The following ADORA2B variants were observed in gnomAD, a reference collection of about 807,000 sequenced individuals.
ADORA2B encodes the protein adenosine A2b receptor.
A neutral mutation model predicts 20.8 loss-of-function variants in ADORA2B; 18 were observed. The ratio of observed to expected loss-of-function variants is 0.87; its 90% CI spans 0.60 to 1.29. The LOEUF is 1.29. Among genes scored for constraint, ADORA2B ranks in the 50% most tolerant of loss-of-function variants. ADORA2B has a pLI of 0.00. For synonymous variants in ADORA2B, 179 were observed against 178.3 expected, an observed-to-expected ratio of 1.00 and a Z score of -0.03; for missense variants, 441 against 422.7, an observed-to-expected ratio of 1.04 and a Z score of -0.38.
chr17:15,953,501 C>T (rs75419948), intron 1 of ADORA2B, among the ~76,000 whole-genome samples: 8,395 of 152,244 alleles, frequency 0.055, 800 homozygotes, highest in African/African-American at 0.19. Context: ...TTTTGTGCTG[C>T]CATCTTGAAG....
At chr17:15,909,803 TG>T in the ADORA2B span, among the ~76,000 whole-genome samples, 2 of 152,154 alleles carry the variant, frequency 1.3e-5, no homozygotes, top group East Asian at 3.8e-4. Context: ...TACATCAGCA[TG>T]GGAAAAAGAA....
Position 15,975,252 on chromosome 17 carries a change from A to T in ADORA2B, c.909A>T (p.Lys303Asn). Reference protein sequence around the residue: ...RNRDFRYTFHKIISRYLLCQA... With the variant: ...RNRDFRYTFHNIISRYLLCQA... Reference sequence around the variant, plus strand: ...GAGACTTCCGCTACACTTTTCACAAAATTATCTCCAGGTATCTTCTCTGCC... The same window carrying T: ...GAGACTTCCGCTACACTTTTCACAATATTATCTCCAGGTATCTTCTCTGCC... Residue 303 changes from lysine (K) to asparagine (N), a missense_variant, in exon 2 of 2, where the codon AAA (lysine) becomes AAT (asparagine). By Grantham distance (94) the Lys-to-Asn change is moderately conservative. Transcript: ENST00000304222. The T allele has an allele frequency of 1.2e-6, 2 of 1,613,676 alleles. No individual in the cohort carries two copies.
At chr17:15,956,683 C>T (rs1167008997) in intron 1 of ADORA2B, among the ~76,000 whole-genome samples, 1 of 149,882 alleles carries the variant, frequency 6.7e-6, no homozygotes, top group Non-Finnish European at 1.5e-5. Flanking sequence ...GCAACCTCTG[C>T]CTCCTGGGTT....
chr17:15,924,622 C>T, the ADORA2B span, among the ~76,000 whole-genome samples: 2 of 151,994 alleles, frequency 1.3e-5, no homozygotes, highest in Non-Finnish European at 2.9e-5. Context: ...TGCCTGTAGT[C>T]CCAGCTACTC....
At chr17:15,863,509 CTTATTTATTTAT>C in the ADORA2B span, among the ~76,000 whole-genome samples, 1 of 151,760 alleles carries the variant, frequency 6.6e-6, no homozygotes, top group African/African-American at 2.4e-5. Context: ...CCATGCCCAG[CTTATTTATTTAT>C]TTATTTATTT....
intron 1 of ADORA2B, among the ~76,000 whole-genome samples, chr17:15,963,942 C>G (rs571507388): frequency 2.0e-5 from 3 of 152,360 alleles, no homozygotes; most frequent in African/African-American, 7.2e-5. Flanking sequence ...TCAGACATGT[C>G]TGAACTTGCT....
the ADORA2B span, among the ~76,000 whole-genome samples, chr17:15,858,974 G>A: frequency 6.6e-6 from 1 of 152,126 alleles, no homozygotes; most frequent in South Asian, 2.1e-4. Context: ...GCTTGTGCTA[G>A]GGAGACAGAA....
chr17:15,968,100 T>C (rs1385264796), intron 1 of ADORA2B, among the ~76,000 whole-genome samples: 1 of 152,146 alleles, frequency 6.6e-6, no homozygotes, highest in Non-Finnish European at 1.5e-5. Context: ...CAGAGGAAGA[T>C]ATATTTTTAG....
At chr17:15,885,523 G>A in the ADORA2B span, among the ~76,000 whole-genome samples, 1 of 152,124 alleles carries the variant, frequency 6.6e-6, no homozygotes, top group Non-Finnish European at 1.5e-5. Flanking sequence ...AGACCAGCCT[G>A]GCCAACATGG....
the ADORA2B span, among the ~76,000 whole-genome samples, chr17:15,890,362 A>G: frequency 7.8e-6 from 1 of 128,234 alleles, no homozygotes; most frequent in Admixed American, 7.7e-5. Flanking sequence ...TGATTATAGG[A>G]ATATATTCTG....
chr17:15,878,777 T>C, the ADORA2B span, among the ~76,000 whole-genome samples: 2 of 152,332 alleles, frequency 1.3e-5, no homozygotes, highest in South Asian at 4.1e-4. Context: ...TTACTGAGTT[T>C]TTTTAAATCC....
At chr17:15,945,615 C>A in intron 1 of ADORA2B, 32 bp downstream of exon 1, 1 of 1,443,698 alleles carries the variant, frequency 6.9e-7, no homozygotes, top group Non-Finnish European at 9.1e-7. Context: ...GAACTCGGGG[C>A]CCCGTCGGAG....
At chr17:15,912,232 A>G in the ADORA2B span, among the ~76,000 whole-genome samples, 3 of 150,396 alleles carry the variant, frequency 2.0e-5, no homozygotes, top group African/African-American at 7.3e-5. Context: ...AAAAAAAAAA[A>G]GCCAGGCCCT....
intron 1 of ADORA2B, among the ~76,000 whole-genome samples, chr17:15,954,664 G>C (rs975250487): frequency 4.6e-5 from 7 of 152,222 alleles, no homozygotes; most frequent in African/African-American, 1.7e-4. Context: ...CCCTTTGGGA[G>C]GCTGAGGCAG....
chr17:15,975,195 T>A lies in ADORA2B; in HGVS notation c.852T>A (p.Val284=). 6.2e-7 allele frequency: 1 copy of A among 1,614,182 alleles called. No homozygotes were observed. The highest frequency in any genetic ancestry group is 8.5e-7 in the Non-Finnish European group (1 of 1,180,042). Residue 284 remains valine (V), a synonymous_variant, in exon 2 of 2, where the codon GTT becomes GTA. Transcript: ENST00000304222. ...MAILLSHANS[V]VNPIVYAYRN... is the part of the protein sequence containing the mutation. ...TTCTTCTGTCACATGCCAATTCAGT[T>A]GTCAATCCCATTGTCTATGCTTACC...
the ADORA2B span, among the ~76,000 whole-genome samples, chr17:15,935,958 C>G: frequency 5.9e-5 from 9 of 151,684 alleles, no homozygotes; most frequent in Non-Finnish European, 1.0e-4. Context: ...CCTCTACCTC[C>G]CAGGTTCAGG....
the ADORA2B span, among the ~76,000 whole-genome samples, chr17:15,939,099 G>A: frequency 6.6e-5 from 10 of 152,038 alleles, no homozygotes; most frequent in South Asian, 2.1e-4. Context: ...GGAGTGCAGC[G>A]GTGGGATCTT....
At chr17:15,907,763 C>T in the ADORA2B span, among the ~76,000 whole-genome samples, 2 of 152,162 alleles carry the variant, frequency 1.3e-5, no homozygotes, top group Non-Finnish European at 1.5e-5. Context: ...ATGATAATCC[C>T]ACTCTTAGTA....
the ADORA2B span, among the ~76,000 whole-genome samples, chr17:15,855,464 ACGGTATGCAAAG>A: frequency 6.6e-6 from 1 of 151,968 alleles, no homozygotes; most frequent in Admixed American, 6.6e-5. Context: ...AAGAAGCAAA[ACGGTATGCAAAG>A]CAATGGAATC....
Sources: gnomAD v4.1 joint callset for allele counts (sites outside exome capture counted in the v4.1 genomes callset) on GRCh38, gnomAD v4.1.1 for gene constraint, MANE v1.5 for transcripts, NCBI Gene and HGNC (gene_info 2026-07-23, HGNC 2026-07-21) for gene names.